ACSF3: variants seen among roughly 807,000 people sequenced by gnomAD.
ACSF3 encodes the protein acyl-CoA synthetase family member 3, also known as malonate--CoA ligase ACSF3, mitochondrial.
Under a neutral mutation model 53.2 loss-of-function variants are expected in ACSF3, and 78 were observed. The ratio of observed to expected loss-of-function variants is 1.47; its 90% CI spans 1.22 to 1.77. ACSF3 has a LOEUF of 1.77. Among genes scored for constraint, ACSF3 ranks in the 40% most tolerant of loss-of-function variants. The probability of loss-of-function intolerance (pLI) is 0.00; values close to 1 mark genes in which losing one functional copy is unlikely to be tolerated. For missense variants in ACSF3, 937 were observed against 771.1 expected (o/e 1.22, Z -2.55); for synonymous variants, 414 against 333.1 (o/e 1.24, Z -2.65).
chr16:89,109,251 GA>G (rs1391165829), intron 4 of ACSF3, among the ~76,000 whole-genome samples: 10 of 91,726 alleles, frequency 1.1e-4, no homozygotes, highest in East Asian at 2.9e-4. Flanking sequence ...AAAAAAAAAA[GA>G]AAAGAAAAGA....
At position 89,155,597 on chromosome 16, in the gene ACSF3, A is replaced by G. The variant is rs1266928094; in HGVS notation, c.*1390A>G. The G allele has an allele frequency of 2.2e-6, 1 of 454,024 alleles. No individual in the cohort carries two copies. Among genetic ancestry groups the G allele is most frequent in the African/African-American group, 2.0e-5 (1 of 50,142 alleles). 28.1% of individuals were successfully genotyped at this position (454,024 alleles called of 1,614,324 possible). A position where few individuals can be genotyped will look rare whatever the true frequency, so the allele number is the denominator to read the frequency against. ...CCATGGCCTGACCCCGGGAACAGTC[A>G]GAGGAAGGGGTCCCGCCCTCCCGCC... On this transcript the variant is annotated 3_prime_UTR_variant, in exon 11 of 11. Coordinates refer to ENST00000614302, the MANE Select transcript of ACSF3 (RefSeq NM_001243279.3).
intron 4 of ACSF3, among the ~76,000 whole-genome samples, chr16:89,109,376 G>A (rs187171002): frequency 9.2e-5 from 13 of 141,734 alleles, no homozygotes; most frequent in Middle Eastern, 3.7e-3. Flanking sequence ...TTCAGTTTGC[G>A]TTTCCCTAAT....
Position 89,145,829 on chromosome 16 carries a change from G to A in ACSF3, c.1502-109G>A, listed in dbSNP as rs1912827948. 4 of 968,964 alleles carry A rather than the reference G, an allele frequency of 4.1e-6. No homozygotes were observed. In the Admixed American group the frequency reaches 6.8e-5, roughly 16 times the overall value. 60.0% of individuals were successfully genotyped at this position (968,964 alleles called of 1,614,324 possible). A position where few individuals can be genotyped will look rare whatever the true frequency, so the allele number is the denominator to read the frequency against. ...TGGAGTGGGGCCTGTCCAAGGACGG[G>A]CTCCAGGGCTGCGGCCAGACTGCGC... On this transcript the variant is annotated intron_variant, in intron 9 of 10. Transcript: ENST00000614302.
At chr16:89,128,307 C>G (rs1448200504) in intron 7 of ACSF3, among the ~76,000 whole-genome samples, 1 of 151,216 alleles carries the variant, frequency 6.6e-6, no homozygotes, top group Non-Finnish European at 1.5e-5. Flanking sequence ...GTTGCCCAGG[C>G]TGGAGTGCAA....
chr16:89,103,739 C>A (rs1975645508), intron 4 of ACSF3, among the ~76,000 whole-genome samples: 1 of 152,186 alleles, frequency 6.6e-6, no homozygotes, highest in Admixed American at 6.5e-5. Flanking sequence ...GGAGTATTGG[C>A]CCAGCTGAAG....
chr16:89,126,331 C>G (rs1032682773), intron 7 of ACSF3, among the ~76,000 whole-genome samples: 2 of 151,932 alleles, frequency 1.3e-5, no homozygotes, highest in Non-Finnish European at 2.9e-5. Context: ...TGTAGTGGTA[C>G]GATCTCAGCT....
rs190351456 is a variant in ACSF3, at chr16:89,107,433, T to A, written c.823-4659T>A. On this transcript the variant is annotated intron_variant, in intron 4 of 10. Transcript: ENST00000614302. ...CCTCGGCACCATCCTGCTACACGCG[T>A]GCTCTCCCCGCCTCGGCACCATCCT... Among the ~76,000 whole-genome samples the A allele has an allele frequency of 1.9e-3, 286 of 152,208 alleles. 4 individuals carry two copies. Among genetic ancestry groups the A allele is most frequent in the Non-Finnish European group, 5.4e-4 (37 of 67,970 alleles).
chr16:89,114,854 CGTCT>C (rs1296605166), intron 6 of ACSF3: 6 of 359,750 alleles, frequency 1.7e-5, no homozygotes, highest in African/African-American at 1.3e-4. Context: ...TGGCAGCCTC[CGTCT>C]GTCTGGAGTC....
intron 6 of ACSF3, among the ~76,000 whole-genome samples, chr16:89,120,142 C>T (rs923075609): frequency 2.6e-5 from 4 of 152,234 alleles, no homozygotes; most frequent in Non-Finnish European, 2.9e-5. Flanking sequence ...GGACACGTCT[C>T]GCCACCTGGG....
At chr16:89,143,289 CACAG>C (rs1567742916) in intron 8 of ACSF3, among the ~76,000 whole-genome samples, 2 of 152,138 alleles carry the variant, frequency 1.3e-5, no homozygotes, top group Admixed American at 6.5e-5. Context: ...GGAGCCAGGA[CACAG>C]GCAGCTCAAG....
chr16:89,151,133 A>G (rs1432285697), intron 10 of ACSF3: 2 of 936,522 alleles, frequency 2.1e-6, no homozygotes, highest in Admixed American at 4.6e-5. Flanking sequence ...GGATGGCGGC[A>G]CGGAGGGCTG....
Position 89,154,545 on chromosome 16 carries a change from C to T in ACSF3, c.*338C>T, listed in dbSNP as rs1486231287. 4 of 461,168 alleles carry T rather than the reference C, an allele frequency of 8.7e-6. No homozygotes were observed. In the East Asian group the frequency reaches 2.2e-4, roughly 26 times the overall value. The allele number at this position is 461,168 out of a possible 1,614,324, so 28.6% of individuals were successfully genotyped here. ...TTGCCAGGCTCTCCAGGGCAGGTCC[C>T]AGAGGTTTCCCACAAAAAACAAAGA... is the stretch of plus-strand genomic sequence containing the variant. On this transcript the variant is annotated 3_prime_UTR_variant, in exon 11 of 11. Transcript: ENST00000614302.
chr16:89,104,367 G>A (rs1277314033), intron 4 of ACSF3, among the ~76,000 whole-genome samples: 1 of 152,200 alleles, frequency 6.6e-6, no homozygotes, highest in Non-Finnish European at 1.5e-5. Flanking sequence ...GGGTTGTTCT[G>A]CAGGGCAGAC....
At chr16:89,099,198 G>A (rs977320724) in intron 2 of ACSF3, among the ~76,000 whole-genome samples, 55 of 152,388 alleles carry the variant, frequency 3.6e-4, no homozygotes, top group South Asian at 2.1e-3. Context: ...ATCCTGGGGC[G>A]GTGTCCCGTG....
At chr16:89,148,326 CT>C (rs1447312561) in intron 10 of ACSF3, 3 of 152,224 alleles carry the variant, frequency 2.0e-5, no homozygotes, top group East Asian at 3.9e-4. Flanking sequence ...TCTCGAACTC[CT>C]GACCTCAAGT....
At chr16:89,104,897 A>G (rs569048847) in intron 4 of ACSF3, among the ~76,000 whole-genome samples, 30 of 152,264 alleles carry the variant, frequency 2.0e-4, no homozygotes, top group Non-Finnish European at 3.2e-4. Context: ...AGATGATAAC[A>G]TTGGGCTTTA....
In ACSF3 at chr16:89,109,403, CTTTTTTTTTTTTTTT is replaced by C. The variant is rs1216544572; in HGVS notation, c.823-2677_823-2663del. ...TTCCCTAATGACTACTGATGTTAAGCTTTTTTTTTTTTTTTTTTTTTTTTTTGAGATGGAGTCTCA... is the reference window on the plus strand; with the variant it reads ...TTCCCTAATGACTACTGATGTTAAGCTTTTTTTTTTTGAGATGGAGTCTCA... On this transcript the variant is annotated intron_variant, in intron 4 of 10. Coordinates refer to ENST00000614302, the MANE Select transcript of ACSF3 (RefSeq NM_001243279.3). 8.3e-3 allele frequency among the ~76,000 whole-genome samples: 422 copies of C among 50,744 alleles called. 2 individuals carry two copies. Among genetic ancestry groups the C allele is most frequent in the African/African-American group, 0.032 (399 of 12,386 alleles). The allele number at this position is 50,744 out of a possible 152,430, so 33.3% of individuals were successfully genotyped here. A position where few individuals can be genotyped will look rare whatever the true frequency, so the allele number is the denominator to read the frequency against.
rs1019690678 is a variant in ACSF3, at chr16:89,155,287, A to G, written c.*1080A>G. The G allele has an allele frequency of 3.7e-5, 17 of 453,976 alleles. No homozygotes were observed. The highest frequency in any genetic ancestry group is 5.7e-5 in the Non-Finnish European group (13 of 226,762). The allele number at this position is 453,976 out of a possible 1,614,324, so 28.1% of individuals were successfully genotyped here. A position where few individuals can be genotyped will look rare whatever the true frequency, so the allele number is the denominator to read the frequency against. On this transcript the variant is annotated 3_prime_UTR_variant, in exon 11 of 11. Coordinates refer to ENST00000614302, the MANE Select transcript of ACSF3 (RefSeq NM_001243279.3). The stretch of plus-strand genomic sequence containing the variant: ...TTACCCAGAACATTCTGCCCCCGGA[A>G]TGCACGTCTGAAAGAGTGGCCAGAA...
At chr16:89,095,544 C>G (rs1974509263) in intron 1 of ACSF3, among the ~76,000 whole-genome samples, 2 of 141,380 alleles carry the variant, frequency 1.4e-5, no homozygotes, top group Admixed American at 1.6e-4. Context: ...GCCCCACGCT[C>G]TCATCGGGGC....
Sources: allele counts gnomAD v4.1 joint callset (sites outside exome capture counted in the v4.1 genomes callset), GRCh38; gene constraint gnomAD v4.1.1; transcripts MANE v1.5; gene names NCBI Gene and HGNC (gene_info 2026-07-23, HGNC 2026-07-21).